The following DNAH1 variants were observed in gnomAD, a reference collection of about 807,000 sequenced individuals.
DNAH1 encodes dynein axonemal heavy chain 1.
In DNAH1, 327 loss-of-function variants were observed where a neutral mutation model predicts 484.3. The observed-to-expected ratio is 0.68, with a 90% CI of 0.62 to 0.74. The LOEUF (loss-of-function observed/expected upper bound fraction) is 0.74, where lower values mean the gene tolerates loss of function less well. Ranked by LOEUF, DNAH1 falls within the 30% of genes least tolerant of loss-of-function variation. The pLI, the probability that DNAH1 is intolerant of heterozygous loss-of-function variation, is 0.00. For synonymous variants in DNAH1, 2,192 were observed against 2,191.9 expected, an observed-to-expected ratio of 1.00 and a Z score of 0.00; for missense variants, 5,052 against 5,546.8, an observed-to-expected ratio of 0.91 and a Z score of 2.83.
chr3:52,384,962 G>A lies in DNAH1; in HGVS notation c.8499G>A (p.Lys2833=). The A allele has an allele frequency of 6.2e-7, 1 of 1,613,008 alleles. No individual in the cohort carries two copies. The highest frequency in any genetic ancestry group is 8.5e-7 in the Non-Finnish European group (1 of 1,179,498). The stretch of plus-strand genomic sequence containing the variant: ...TGAAAACTGCCAAGAACCGCATGAA[G>A]AGCGGCCTCGACAAGGTGGGCCCAG... ...LELKTAKNRM[K]SGLDKLLRTS... is the part of the protein sequence containing the mutation. The change falls in exon 53 of 78, where the codon AAG becomes AAA. Residue 2833 remains lysine (K), a synonymous_variant. Transcript: ENST00000420323.
In DNAH1 at chr3:52,344,494, C is replaced by T; in HGVS notation, c.1291C>T (p.Leu431=). 6.2e-7 allele frequency: 1 copy of T among 1,613,800 alleles called. No homozygotes were observed. Among genetic ancestry groups the T allele is most frequent in the South Asian group, 1.1e-5 (1 of 91,062 alleles). Residue 431 remains leucine, a synonymous_variant, in exon 9 of 78, where the codon CTA becomes TTA. Coordinates refer to ENST00000420323, the MANE Select transcript of DNAH1 (RefSeq NM_015512.5). ...ATCTCCCATCTCTATGGGCAGGGTT[C>T]TAGAGCACCTCAGCAGTCTTGCCAG... is the stretch of plus-strand genomic sequence containing the variant. ...TPRMRKGPSV[L]EHLSSLAREV...
rs534289840 is a variant in DNAH1 at position 52,373,401 on chromosome 3, G to A, written c.6985+348G>A. Among the ~76,000 whole-genome samples, 140 of 152,346 alleles carry A rather than the reference G, an allele frequency of 9.2e-4. 1 individual carries two copies. Among genetic ancestry groups the A allele is most frequent in the African/African-American group, 3.3e-3 (138 of 41,580 alleles). On this transcript the variant is annotated intron_variant, in intron 44 of 77. Transcript: ENST00000420323. ...GGTGGCGGCCCGCTCCAGCCATGCC[G>A]AATAAAACAAGAAGGAGAAAGAATC... is the stretch of plus-strand genomic sequence containing the variant.
At chr3:52,343,459 C>T (rs76163721) in intron 8 of DNAH1, among the ~76,000 whole-genome samples, 5,706 of 152,010 alleles carry the variant, frequency 0.038, 375 homozygotes, top group African/African-American at 0.13. Context: ...GGATGAAATT[C>T]GAGGGACTTC....
intron 6 of DNAH1, among the ~76,000 whole-genome samples, chr3:52,330,075 G>T (rs1701487068): frequency 6.6e-6 from 1 of 152,164 alleles, no homozygotes; most frequent in African/African-American, 2.4e-5. Context: ...CTCCCAGAGT[G>T]CTGGGATTAT....
chr3:52,352,738 GC>G, intron 18 of DNAH1, 31 bp downstream of exon 18: 1 of 1,597,318 alleles, frequency 6.3e-7, no homozygotes, highest in Non-Finnish European at 8.6e-7. Context: ...CTGCCCCCAT[GC>G]CCCCAGGCTT....
Position 52,399,201 on chromosome 3 carries a change from G to C in DNAH1, c.12441G>C (p.Lys4147Asn). Reference sequence around the variant, plus strand: ...TTGACACCATCTCCTTTGATTTCAAGGTCTGGGCACAGCCAGGGCCAGGTC... The same window carrying C: ...TTGACACCATCTCCTTTGATTTCAACGTCTGGGCACAGCCAGGGCCAGGTC... Reference protein sequence around the residue: ...ISIDTISFDFKVMFEAPSELT... With the variant: ...ISIDTISFDFNVMFEAPSELT... The change falls in exon 76 of 78, where the codon AAG (lysine) becomes AAC (asparagine). Residue 4147 changes from lysine to asparagine, a missense_variant and splice_region_variant. Transcript: ENST00000420323. 6.2e-7 allele frequency: 1 copy of C among 1,602,350 alleles called. No individual in the cohort carries two copies.
Position 52,388,802 on chromosome 3 carries a change from C to A in DNAH1, c.9364-4C>A. 2.5e-6 allele frequency: 4 copies of A among 1,613,274 alleles called. No homozygotes were observed. Among genetic ancestry groups the A allele is most frequent in the Non-Finnish European group, 3.4e-6 (4 of 1,179,828 alleles). On this transcript the variant is annotated splice_region_variant and splice_polypyrimidine_tract_variant and intron_variant, in intron 58 of 77. Transcript: ENST00000420323. ...GAGCCCACCCCACGGGGCTGCCCCT[C>A]CAGCTCATCAACGGGCTGTCGGATG...
In DNAH1 at chr3:52,352,533, A is replaced by C; in HGVS notation, c.2872-19A>C. 1 of 1,602,652 alleles carries C rather than the reference A, an allele frequency of 6.2e-7. No individual in the cohort carries two copies. Among genetic ancestry groups the C allele is most frequent in the Non-Finnish European group, 8.5e-7 (1 of 1,171,478 alleles). On this transcript the variant is annotated intron_variant, in intron 17 of 77. Transcript: ENST00000420323. ...GTGGGGCTGCAGGGGCATCTGACCCATTGCTCCTTGGCCTGCAGCTGGTAG... is the reference window on the plus strand; with the variant it reads ...GTGGGGCTGCAGGGGCATCTGACCCCTTGCTCCTTGGCCTGCAGCTGGTAG...
rs761412841 is a variant in DNAH1, at chr3:52,354,843, G to T, written c.3481G>T (p.Ala1161Ser). 1 of 1,613,336 alleles carries T rather than the reference G, an allele frequency of 6.2e-7. No homozygotes were observed. Among genetic ancestry groups the T allele is most frequent in the South Asian group, 1.1e-5 (1 of 91,048 alleles). Residue 1161 changes from alanine (A) to serine (S), a missense_variant and splice_region_variant, in exon 21 of 78, where the codon GCA (alanine) becomes TCA (serine). Ala to Ser is a moderately conservative substitution (Grantham distance 99). Transcript: ENST00000420323. ...VAGKEYAIEQALDKMEKEWST... is the reference protein window; with the variant it reads ...VAGKEYAIEQSLDKMEKEWST... ...CAGCCTGGCTTGTCCCCGACCCCAG[G>T]CACTGGACAAGATGGAGAAGGAGTG... is the stretch of plus-strand genomic sequence containing the variant.
Position 52,332,402 on chromosome 3 carries a change from C to T in DNAH1, c.1286+8C>T, listed in dbSNP as rs1231114151. 1.2e-6 allele frequency: 2 copies of T among 1,610,072 alleles called. No individual in the cohort carries two copies. The highest frequency in any genetic ancestry group is 1.7e-6 in the Non-Finnish European group (2 of 1,178,782). ...GATGCGCAAAGGCCCCTCGTGAGTC[C>T]CCGCTCGGCCTTCCCTATTCTGGGC... On this transcript the variant is annotated splice_region_variant and intron_variant, in intron 8 of 77. Coordinates refer to ENST00000420323, the MANE Select transcript of DNAH1 (RefSeq NM_015512.5).
At chr3:52,357,477 C>T (rs1578134670) in intron 22 of DNAH1, 137 bp from the exon 23 acceptor site, 1 of 1,160,568 alleles carries the variant, frequency 8.6e-7, no homozygotes, top group East Asian at 2.6e-5. Flanking sequence ...GCCACTGGCT[C>T]AGGGAGAATT....
chr3:52,388,877 C>G lies in DNAH1; in HGVS notation c.9435C>G (p.Asn3145Lys). ...ETVENLQYML[N>K]NISGDVLVAA... The stretch of plus-strand genomic sequence containing the variant: ...TGGAGAACCTGCAGTACATGCTCAA[C>G]AACATCTCCGGCGATGTCCTGGTGG... Residue 3145 changes from asparagine (N) to lysine (K), a missense_variant, in exon 59 of 78, where the codon AAC (asparagine) becomes AAG (lysine). Transcript: ENST00000420323. 1 of 1,613,672 alleles carries G rather than the reference C, an allele frequency of 6.2e-7. No individual in the cohort carries two copies. The highest frequency in any genetic ancestry group is 8.5e-7 in the Non-Finnish European group (1 of 1,179,764).
intron 8 of DNAH1, among the ~76,000 whole-genome samples, chr3:52,334,315 T>TA (rs1369931809): frequency 2.6e-5 from 4 of 152,202 alleles, no homozygotes; most frequent in Non-Finnish European, 2.9e-5. Context: ...GTAAGGCACT[T>TA]ACCATGAATG....
At chr3:52,380,251 C>A in intron 48 of DNAH1, 116 bp downstream of exon 48, 1 of 922,742 alleles carries the variant, frequency 1.1e-6, no homozygotes, top group Non-Finnish European at 1.6e-6. Context: ...ACCAGGGGGC[C>A]AGGACGCGGG....
intron 16 of DNAH1, among the ~76,000 whole-genome samples, chr3:52,351,142 G>T (rs375917558): frequency 2.0e-5 from 3 of 152,196 alleles, no homozygotes; most frequent in African/African-American, 7.2e-5. Context: ...GAGCCACCGC[G>T]CCCAGCCTGA....
chr3:52,342,170 A>T (rs1046357346), intron 8 of DNAH1, among the ~76,000 whole-genome samples: 1 of 152,178 alleles, frequency 6.6e-6, no homozygotes, highest in Non-Finnish European at 1.5e-5. Context: ...GGTAGGGACA[A>T]GTTTGTGGTA....
Position 52,391,037 on chromosome 3 carries a change from A to G in DNAH1, c.9724A>G (p.Lys3242Glu). The G allele has an allele frequency of 1.3e-6, 2 of 1,560,834 alleles. No homozygotes were observed. Among genetic ancestry groups the G allele is most frequent in the Non-Finnish European group, 1.7e-6 (2 of 1,152,268 alleles). Reference sequence around the variant, plus strand: ...CATTGACCCTCAGAGCCAGGCCAACAAATGGATCAAGAACATGGTGAGCCC... The same window carrying G: ...CATTGACCCTCAGAGCCAGGCCAACGAATGGATCAAGAACATGGTGAGCCC... ...HFIDPQSQAN[K>E]WIKNMEKDNG... is the part of the protein sequence containing the mutation. The change falls in exon 61 of 78, where the codon AAA becomes GAA. Residue 3242 changes from lysine (K) to glutamate (E), a missense_variant. Transcript: ENST00000420323.
intron 47 of DNAH1, 96 bp downstream of exon 47, chr3:52,378,876 T>C: frequency 6.7e-7 from 1 of 1,485,912 alleles, no homozygotes; most frequent in Non-Finnish European, 9.2e-7. Context: ...AAACAGGCCC[T>C]GAGTGGGGCT....
chr3:52,342,030 T>A (rs574401978), intron 8 of DNAH1, among the ~76,000 whole-genome samples: 2 of 152,348 alleles, frequency 1.3e-5, no homozygotes, highest in South Asian at 4.1e-4. Flanking sequence ...AATAGAGATG[T>A]CTCAGAAGGG....
Sources: gnomAD v4.1 joint callset for allele counts (sites outside exome capture counted in the v4.1 genomes callset) on GRCh38, gnomAD v4.1.1 for gene constraint, MANE v1.5 for transcripts, NCBI Gene and HGNC (gene_info 2026-07-23, HGNC 2026-07-21) for gene names.